CTNNA2: variants seen among roughly 807,000 people sequenced by gnomAD.
The protein encoded by CTNNA2 is catenin alpha 2.
CTNNA2 carries 42 observed loss-of-function variants against 101.0 expected under a neutral mutation model. That is an observed-to-expected ratio of 0.42 (90% confidence interval 0.32 to 0.54). The LOEUF (loss-of-function observed/expected upper bound fraction) is 0.54. Among genes scored for constraint, CTNNA2 ranks in the 20% least tolerant of loss-of-function variants. CTNNA2 has a pLI of 0.14. For synonymous variants in CTNNA2, 450 were observed against 456.4 expected (o/e 0.99, Z 0.18); for missense variants, 871 against 1,223.1 (o/e 0.71, Z 4.29).
At chr2:79,256,871 T>G (rs1329886368) in intron 2 of CTNNA2, among the ~76,000 whole-genome samples, 1 of 152,226 alleles carries the variant, frequency 6.6e-6, no homozygotes, top group Non-Finnish European at 1.5e-5. Flanking sequence ...AGATAAAATG[T>G]TATTGCACAG....
intron 3 of CTNNA2, among the ~76,000 whole-genome samples, chr2:79,848,091 TAG>T (rs1460948274): frequency 6.6e-6 from 1 of 152,156 alleles, no homozygotes; most frequent in Non-Finnish European, 1.5e-5. Flanking sequence ...ATGATTTTTA[TAG>T]AGAGACTTGA....
chr2:79,578,954 A>G (rs1164880251), intron 1 of CTNNA2, among the ~76,000 whole-genome samples: 1 of 151,974 alleles, frequency 6.6e-6, no homozygotes, highest in East Asian at 1.9e-4. Context: ...TACTTACATC[A>G]TGTTGTTTGG....
chr2:80,326,007 T>A (rs1295027419), intron 7 of CTNNA2, among the ~76,000 whole-genome samples: 1 of 152,208 alleles, frequency 6.6e-6, no homozygotes, highest in Admixed American at 6.5e-5. Context: ...TTCATGCATT[T>A]GGTCATGTTA....
chr2:80,250,028 T>C lies in CTNNA2; in HGVS notation c.1057-143183T>C, dbSNP rs369804678. On this transcript the variant is annotated intron_variant, in intron 7 of 18. Transcript: ENST00000402739. ...AACCATGTTCCAGCCCCTCCTCCCA[T>C]ATATACAAGATGGAATCATTTGCTT... Among the ~76,000 whole-genome samples the C allele has an allele frequency of 7.2e-5, 11 of 152,294 alleles. No homozygotes were observed. In the East Asian group the frequency reaches 1.4e-3, roughly 19 times the overall value.
At chr2:79,877,036 A>G (rs899640481) in intron 6 of CTNNA2, among the ~76,000 whole-genome samples, 6 of 151,622 alleles carry the variant, frequency 4.0e-5, no homozygotes, top group African/African-American at 7.3e-5. Flanking sequence ...TATATTAACT[A>G]ATTATATTAC....
chr2:80,347,543 A>G (rs1672854776), intron 7 of CTNNA2, among the ~76,000 whole-genome samples: 1 of 152,084 alleles, frequency 6.6e-6, no homozygotes, highest in Admixed American at 6.6e-5. Flanking sequence ...CGCTCCTTAG[A>G]CTCTCAGTAA....
At chr2:80,033,486 G>C (rs1695440035) in intron 7 of CTNNA2, among the ~76,000 whole-genome samples, 1 of 152,022 alleles carries the variant, frequency 6.6e-6, no homozygotes, top group African/African-American at 2.4e-5. Context: ...GAGGTGGGAG[G>C]ATCAATGAAG....
At chr2:79,667,502 C>T (rs1682503017) in intron 2 of CTNNA2, among the ~76,000 whole-genome samples, 1 of 152,074 alleles carries the variant, frequency 6.6e-6, no homozygotes, top group African/African-American at 2.4e-5. Flanking sequence ...AGTTTAAACT[C>T]ATTGGGAGTT....
intron 4 of CTNNA2, among the ~76,000 whole-genome samples, chr2:79,382,815 T>C (rs534458263): frequency 3.7e-4 from 56 of 152,194 alleles, no homozygotes; most frequent in Non-Finnish European, 5.1e-4. Context: ...GGGGTTTCAC[T>C]GTGTTAGCCA....
At chr2:80,293,122 C>G (rs529271221) in intron 7 of CTNNA2, among the ~76,000 whole-genome samples, 1 of 152,298 alleles carries the variant, frequency 6.6e-6, no homozygotes, top group East Asian at 1.9e-4. Context: ...GGAGCAGAGA[C>G]AGTGAGGCAA....
chr2:80,569,633 G>GTTTTTTTTTTGTTTTT (rs1694378596), intron 12 of CTNNA2, among the ~76,000 whole-genome samples: 1 of 51,718 alleles, frequency 1.9e-5, no homozygotes, highest in Non-Finnish European at 3.9e-5. Context: ...GGGTATTTAG[G>GTTTTTTTTTTGTTTTT]TTTTTTTTTT....
chr2:79,781,426 G>A lies in CTNNA2; in HGVS notation c.298+36844G>A, dbSNP rs190169178. 1.4e-3 allele frequency among the ~76,000 whole-genome samples: 212 copies of A among 152,176 alleles called. 1 individual carries two copies. Among genetic ancestry groups the A allele is most frequent in the Non-Finnish European group, 1.3e-3 (85 of 67,998 alleles). ...GAATGCCTTAACCATCTGGGAATGC[G>A]GCCCAGTAGCTTTCAGCCTTATTTT... On this transcript the variant is annotated intron_variant, in intron 3 of 18. Transcript: ENST00000402739.
chr2:79,754,511 A>G (rs1353484535), intron 3 of CTNNA2, among the ~76,000 whole-genome samples: 3 of 152,246 alleles, frequency 2.0e-5, no homozygotes, highest in African/African-American at 7.2e-5. Flanking sequence ...CTATAAATAC[A>G]TAAAGCAGCA....
chr2:79,758,524 G>A (rs575506201), intron 3 of CTNNA2, among the ~76,000 whole-genome samples: 11 of 152,278 alleles, frequency 7.2e-5, no homozygotes, highest in African/African-American at 2.6e-4. Flanking sequence ...TGAGATTTGG[G>A]ATACAATTAA....
At chr2:79,240,215 CTTT>C (rs112101652) in intron 2 of CTNNA2, among the ~76,000 whole-genome samples, 1 of 142,672 alleles carries the variant, frequency 7.0e-6, no homozygotes, top group East Asian at 2.0e-4. Flanking sequence ...GCACAGTTTT[CTTT>C]TTTTTTTTTT....
At chr2:80,073,828 T>G (rs1698511803) in intron 7 of CTNNA2, among the ~76,000 whole-genome samples, 2 of 151,948 alleles carry the variant, frequency 1.3e-5, no homozygotes, top group African/African-American at 4.8e-5. Flanking sequence ...AATAATATCT[T>G]AATCATTTTT....
rs550163544 is a variant in CTNNA2 at position 79,480,345 on chromosome 2, A to G, written c.-134-24709A>G. On this transcript the variant is annotated intron_variant, in intron 4 of 21. Transcript: ENST00000466387. ...GATTTGGAGGGGTCAAACAAACCAT[A>G]AAAAACACCAAGTTCTTAATTGATC... Among the ~76,000 whole-genome samples the G allele has an allele frequency of 2.0e-5, 3 of 152,274 alleles. No individual in the cohort carries two copies. The East Asian group carries it at 5.8e-4, about 29-fold the overall frequency.
chr2:79,968,210 C>T (rs1439929049), intron 7 of CTNNA2, among the ~76,000 whole-genome samples: 2 of 135,164 alleles, frequency 1.5e-5, no homozygotes, highest in African/African-American at 6.4e-5. Flanking sequence ...AATTTTACTT[C>T]AATAAAAAAA....
At chr2:80,132,353 C>G (rs1702461756) in intron 7 of CTNNA2, among the ~76,000 whole-genome samples, 1 of 152,088 alleles carries the variant, frequency 6.6e-6, no homozygotes, top group South Asian at 2.1e-4. Context: ...TGGTCTCCAT[C>G]TGTTTCAAAG....
Sources: allele counts gnomAD v4.1 joint callset (sites outside exome capture counted in the v4.1 genomes callset), GRCh38; gene constraint gnomAD v4.1.1; transcripts MANE v1.5; gene names NCBI Gene and HGNC (gene_info 2026-07-23, HGNC 2026-07-21).